Variants in TYK2 observed in about 807,000 individuals in gnomAD.
TYK2 encodes the protein non-receptor tyrosine-protein kinase TYK2.
In TYK2, 65 loss-of-function variants were observed where a neutral mutation model predicts 130.9. That is an observed-to-expected ratio of 0.50 (90% CI 0.41 to 0.61). The LOEUF (loss-of-function observed/expected upper bound fraction) is 0.61. Among genes scored for constraint, TYK2 ranks in the 20% least tolerant of loss-of-function variants. The probability of loss-of-function intolerance (pLI) is 0.00; values close to 1 mark genes in which losing one functional copy is unlikely to be tolerated. For missense variants in TYK2, 1,378 were observed against 1,610.7 expected (o/e 0.86, Z 2.47); for synonymous variants, 647 against 658.9 (o/e 0.98, Z 0.28).
In TYK2 at chr19:10,364,850, C is replaced by A; in HGVS notation, c.1209+1G>T. 1 of 1,614,098 alleles carries A rather than the reference C, an allele frequency of 6.2e-7. No individual in the cohort carries two copies. Among genetic ancestry groups the A allele is most frequent in the Non-Finnish European group, 8.5e-7 (1 of 1,180,036 alleles). ...AGCCCAGCCCCTACCCTGGGCCTCA[C>A]CAGGCACTTGTTGTCCTGCCGGTGG... On this transcript the variant is annotated splice_donor_variant, in intron 8 of 24. Coordinates refer to ENST00000525621, the MANE Select transcript of TYK2 (RefSeq NM_003331.5). LOFTEE classifies it high-confidence loss of function. The surrounding 1 kb of genome is among the most constrained non-coding windows in gnomAD (Gnocchi z 4.9).
At position 10,356,723 on chromosome 19, in the gene TYK2, T is replaced by G; in HGVS notation, c.2467-5A>C. On this transcript the variant is annotated splice_region_variant and splice_polypyrimidine_tract_variant and intron_variant, in intron 17 of 24. Coordinates refer to ENST00000525621, the MANE Select transcript of TYK2 (RefSeq NM_003331.5). ...CCTCTGGTAGAAATGCTCCTTCTGT[T>G]GGGAAAGGGACCCAGAGGAGTCAAC... The G allele has an allele frequency of 6.2e-7, 1 of 1,602,018 alleles. No homozygotes were observed. The highest frequency in any genetic ancestry group is 8.5e-7 in the Non-Finnish European group (1 of 1,174,688).
intron 5 of TYK2, among the ~76,000 whole-genome samples, chr19:10,366,873 C>T (rs904700753): frequency 4.6e-5 from 7 of 151,864 alleles, no homozygotes; most frequent in African/African-American, 9.7e-5. Context: ...GGAGAAAACT[C>T]GCCTATACTA....
chr19:10,356,221 A>C (rs553479693), intron 18 of TYK2, among the ~76,000 whole-genome samples: 2 of 152,040 alleles, frequency 1.3e-5, no homozygotes, highest in African/African-American at 2.4e-5. Context: ...TCTACTAAAA[A>C]TACAAAAATT....
intron 3 of TYK2, 46 bp from the exon 4 acceptor site, chr19:10,368,464 C>T (rs200938636): frequency 1.4e-5 from 22 of 1,612,996 alleles, no homozygotes; most frequent in Admixed American, 1.7e-5. Context: ...CATTTGCTAC[C>T]GTCAGCCCCA....
Position 10,351,102 on chromosome 19 carries a change from A to G in TYK2, c.3379T>C (p.Leu1127=). 6.2e-7 allele frequency: 1 copy of G among 1,614,072 alleles called. No homozygotes were observed. Among genetic ancestry groups the G allele is most frequent in the Non-Finnish European group, 8.5e-7 (1 of 1,180,012 alleles). The change falls in exon 24 of 25, where the codon TTG becomes CTG. Residue 1127 remains leucine, a synonymous_variant. Coordinates refer to ENST00000525621, the MANE Select transcript of TYK2 (RefSeq NM_003331.5). ...GQMTVLRLTE[L]LERGERLPRP... is the part of the protein sequence containing the mutation. Reference sequence around the variant, plus strand: ...GGCAGCCTCTCCCCTCGTTCCAGCAACTCAGTGAGTCTCAGAACTGTCATC... The same window carrying G: ...GGCAGCCTCTCCCCTCGTTCCAGCAGCTCAGTGAGTCTCAGAACTGTCATC...
Position 10,356,861 on chromosome 19 carries a change from CCA to C in TYK2, c.2467-145_2467-144del, listed in dbSNP as rs1048518509. On this transcript the variant is annotated intron_variant, in intron 17 of 24. Coordinates refer to ENST00000525621, the MANE Select transcript of TYK2 (RefSeq NM_003331.5). Reference sequence around the variant, plus strand: ...TTATACAGATGAGGCAACTGAGGCTCCACAAAGTGGGAGGACGTGCTCACAGC... The same window carrying C: ...TTATACAGATGAGGCAACTGAGGCTCCAAAGTGGGAGGACGTGCTCACAGC... 9 of 852,972 alleles carry C rather than the reference CCA, an allele frequency of 1.1e-5. No individual in the cohort carries two copies. In the African/African-American group the frequency reaches 1.5e-4, roughly 14 times the overall value. The allele number at this position is 852,972 out of a possible 1,614,324, so 52.8% of individuals were successfully genotyped here. A position where few individuals can be genotyped will look rare whatever the true frequency, so the allele number is the denominator to read the frequency against.
intron 6 of TYK2, 67 bp downstream of exon 6, chr19:10,366,350 C>T: frequency 6.5e-7 from 1 of 1,540,204 alleles, no homozygotes; most frequent in Non-Finnish European, 8.8e-7. Context: ...CAAAGTCTAC[C>T]CTGGCTCCCA....
chr19:10,378,779 G>C (rs576292425), intron 2 of TYK2, among the ~76,000 whole-genome samples: 1 of 152,176 alleles, frequency 6.6e-6, no homozygotes, highest in Non-Finnish European at 1.5e-5. Context: ...CCAGGAGCTC[G>C]AGACCAGCCT....
rs1043331180 is a variant in TYK2, at chr19:10,364,236, C to T, written c.1367+378G>A. Among the ~76,000 whole-genome samples, 20 of 152,158 alleles carry T rather than the reference C, an allele frequency of 1.3e-4. No homozygotes were observed. Among genetic ancestry groups the T allele is most frequent in the African/African-American group, 4.6e-4 (19 of 41,426 alleles). On this transcript the variant is annotated intron_variant, in intron 9 of 24. Coordinates refer to ENST00000525621, the MANE Select transcript of TYK2 (RefSeq NM_003331.5). The surrounding 1 kb of genome is among the most constrained non-coding windows in gnomAD (Gnocchi z 4.9). ...ACACACAATGACAGTCATGGCCGGG[C>T]GTGGTGGCTCATGCCTGTAATACCA...
chr19:10,369,412 G>A (rs1259910408), intron 3 of TYK2, among the ~76,000 whole-genome samples: 1 of 151,464 alleles, frequency 6.6e-6, no homozygotes, highest in East Asian at 1.9e-4. Context: ...AGGTTGCAGT[G>A]CAGTGGTGCA....
intron 2 of TYK2, 95 bp downstream of exon 2, chr19:10,379,520 T>C (rs2042296145): frequency 6.7e-6 from 1 of 149,700 alleles, no homozygotes. Context: ...AATAAATAAA[T>C]AAATAAATAA....
rs2041533872 is a variant in TYK2 at position 10,364,062 on chromosome 19, G to T, written c.1367+552C>A. On this transcript the variant is annotated intron_variant, in intron 9 of 24. Transcript: ENST00000525621. This position sits in a 1 kb window ranked among gnomAD's most constrained non-coding sequence, Gnocchi z 4.9. Reference sequence around the variant, plus strand: ...CCCTCAGGCCCACAAGTCACACACAGGACCCCGCTGAGATGGTGACTCACA... The same window carrying T: ...CCCTCAGGCCCACAAGTCACACACATGACCCCGCTGAGATGGTGACTCACA... Among the ~76,000 whole-genome samples, 1 of 152,218 alleles carries T rather than the reference G, an allele frequency of 6.6e-6. No individual in the cohort carries two copies. The highest frequency in any genetic ancestry group is 1.5e-5 in the Non-Finnish European group (1 of 68,042).
At position 10,366,622 on chromosome 19, in the gene TYK2, C is replaced by A. The variant is rs12720352; in HGVS notation, c.466-42G>T. The A allele has an allele frequency of 0.063, 102,019 of 1,610,644 alleles. 3,626 individuals are homozygous for A. The highest frequency in any genetic ancestry group is 0.071 in the Non-Finnish European group (83,197 of 1,177,706). On this transcript the variant is annotated intron_variant, in intron 5 of 24. Transcript: ENST00000525621. ...GAGCAGAAAGGGAGGTGTGAGAATG[C>A]GTTCCTCTCTAGCCCAGAGGTATCC...
At chr19:10,363,164 C>T (rs1313664417) in intron 9 of TYK2, among the ~76,000 whole-genome samples, 1 of 151,154 alleles carries the variant, frequency 6.6e-6, no homozygotes, top group East Asian at 1.9e-4. Context: ...GCATGAGCCA[C>T]TGTGCCCGGC....
At chr19:10,376,204 G>C (rs988687158) in intron 3 of TYK2, among the ~76,000 whole-genome samples, 9 of 140,814 alleles carry the variant, frequency 6.4e-5, no homozygotes, top group African/African-American at 2.4e-4. Flanking sequence ...GTAGAGATGC[G>C]GTTTCACTAC....
In TYK2 at chr19:10,365,569, C is replaced by T. The variant is rs759056776; in HGVS notation, c.959G>A (p.Gly320Asp). The change falls in exon 7 of 25, where the codon GGC becomes GAC. Residue 320 changes from glycine (G) to aspartate (D), a missense_variant. By Grantham distance (94) the Gly-to-Asp change is moderately conservative. Coordinates refer to ENST00000525621, the MANE Select transcript of TYK2 (RefSeq NM_003331.5). ...GPPTHEVLVT[G>D]TGGIQWWPVE... ...TGGCCACCACTGGATGCCACCAGTG[C>T]CTGTCACCAGCACCTCGTGGGTTGG... The T allele has an allele frequency of 3.7e-6, 6 of 1,614,000 alleles. No homozygotes were observed. Among genetic ancestry groups the T allele is most frequent in the Non-Finnish European group, 5.1e-6 (6 of 1,180,028 alleles).
chr19:10,370,358 A>G (rs989810038), intron 3 of TYK2, among the ~76,000 whole-genome samples: 2 of 151,418 alleles, frequency 1.3e-5, no homozygotes, highest in African/African-American at 4.9e-5. Context: ...GATCTGAAAA[A>G]AAAAAATTGG....
chr19:10,365,145 A>C, intron 7 of TYK2, 97 bp from the exon 8 acceptor site: 1 of 1,381,128 alleles, frequency 7.2e-7, no homozygotes, highest in East Asian at 2.5e-5. Context: ...CAGAAGGGCC[A>C]GGCACCAACC....
At chr19:10,370,269 G>C (rs1464472425) in intron 3 of TYK2, among the ~76,000 whole-genome samples, 1 of 151,848 alleles carries the variant, frequency 6.6e-6, no homozygotes, top group Non-Finnish European at 1.5e-5. Context: ...TGAGGCAGGA[G>C]GACTGCTTGA....
Sources: gnomAD v4.1 joint callset for allele counts (sites outside exome capture counted in the v4.1 genomes callset) on GRCh38, gnomAD v4.1.1 for gene constraint, Gnocchi (gnomAD v3.1) non-coding constraint, MANE v1.5 for transcripts, NCBI Gene and HGNC (gene_info 2026-07-23, HGNC 2026-07-21) for gene names.